GRM4: variants seen among roughly 807,000 people sequenced by gnomAD.
GRM4 encodes glutamate metabotropic receptor 4, also known as metabotropic glutamate receptor 4.
Under a neutral mutation model 81.7 loss-of-function variants are expected in GRM4, and 28 were observed. That is an observed-to-expected ratio of 0.34 (90% CI 0.25 to 0.47). The LOEUF (loss-of-function observed/expected upper bound fraction) is 0.47. Among genes scored for constraint, GRM4 ranks in the 20% least tolerant of loss-of-function variants. The pLI, the probability that GRM4 is intolerant of heterozygous loss-of-function variation, is 1.00. For synonymous variants in GRM4, 488 were observed against 528.8 expected (o/e 0.92, Z 1.06); for missense variants, 948 against 1,290.0 (o/e 0.73, Z 4.06).
intron 3 of GRM4, among the ~76,000 whole-genome samples, chr6:34,072,137 CCA>C (rs1432282770): frequency 4.2e-4 from 64 of 151,438 alleles, no homozygotes; most frequent in African/African-American, 1.5e-3. Flanking sequence ...ACACACATCA[CCA>C]CACAGATACA....
intron 6 of GRM4, among the ~76,000 whole-genome samples, chr6:34,041,637 G>T (rs1295366502): frequency 1.3e-5 from 2 of 152,182 alleles, no homozygotes; most frequent in Non-Finnish European, 2.9e-5. Context: ...ATGAGATAAG[G>T]TACCGAAAAC....
At chr6:34,026,268 G>A (rs948139443) in intron 10 of GRM4, among the ~76,000 whole-genome samples, 9 of 152,080 alleles carry the variant, frequency 5.9e-5, no homozygotes, top group Non-Finnish European at 8.8e-5. Flanking sequence ...CCCTCCATCC[G>A]GCTGTCCCCA....
At chr6:34,108,947 C>T (rs1769252064) in intron 2 of GRM4, among the ~76,000 whole-genome samples, 1 of 152,152 alleles carries the variant, frequency 6.6e-6, no homozygotes, top group Non-Finnish European at 1.5e-5. Flanking sequence ...GGGGACCCAC[C>T]TGTGATAGTG....
At chr6:34,033,309 T>G (rs3778053) in intron 9 of GRM4, among the ~76,000 whole-genome samples, 2,425 of 152,142 alleles carry the variant, frequency 0.016, 23 homozygotes, top group East Asian at 0.023. Flanking sequence ...CATTGGAAGA[T>G]GACCCTTGAG....
intron 9 of GRM4, among the ~76,000 whole-genome samples, 164 bp from the exon 10 acceptor site, chr6:34,028,530 C>A (rs1764253874): frequency 1.3e-5 from 2 of 152,254 alleles, no homozygotes; most frequent in Admixed American, 1.3e-4. Context: ...GCATTCAAAT[C>A]TTGGCTCACT....
intron 1 of GRM4, among the ~76,000 whole-genome samples, chr6:34,137,085 T>C (rs1770489955): frequency 6.6e-6 from 1 of 152,154 alleles, no homozygotes; most frequent in Non-Finnish European, 1.5e-5. Context: ...AATTCCAAAA[T>C]AGCCAGGAGA....
intron 5 of GRM4, among the ~76,000 whole-genome samples, chr6:34,058,416 G>A (rs564242471): frequency 2.4e-4 from 37 of 152,290 alleles, no homozygotes; most frequent in African/African-American, 8.9e-4. Context: ...CTATTGAAGG[G>A]AGGGAGGGCA....
At position 34,053,538 on chromosome 6, in the gene GRM4, G is replaced by A. The variant is rs539677471; in HGVS notation, c.1168+3006C>T. ...TCTGCTGGGGCTCCCAGTGCAGCAG[G>A]AAGGATTCGGGTCAGCTGAGACATA... On this transcript the variant is annotated intron_variant, in intron 6 of 10. Transcript: ENST00000538487. 5.3e-5 allele frequency among the ~76,000 whole-genome samples: 8 copies of A among 152,342 alleles called. No homozygotes were observed. In the South Asian group the frequency reaches 1.7e-3, roughly 32 times the overall value.
At chr6:34,024,138 C>T (rs1018151588) in intron 10 of GRM4, 1 of 152,952 alleles carries the variant, frequency 6.5e-6, no homozygotes, top group Non-Finnish European at 1.5e-5. Flanking sequence ...TCCCCCCGAT[C>T]CTCTCTCCCC....
rs73744823 is a variant in GRM4, at chr6:34,130,008, C to T, written c.519+2970G>A. On this transcript the variant is annotated intron_variant, in intron 2 of 10. Coordinates refer to ENST00000538487, the MANE Select transcript of GRM4 (RefSeq NM_000841.4). This position sits in a 1 kb window ranked among gnomAD's most constrained non-coding sequence, Gnocchi z 4.1. ...TTAACCCATCATTAGGGGAGCAGGG[C>T]GGGGGCTGCAGTGGTGCCCTTTGAA... is the stretch of plus-strand genomic sequence containing the variant. Among the ~76,000 whole-genome samples, 2,993 of 152,218 alleles carry T rather than the reference C, an allele frequency of 0.02. 52 individuals are homozygous for T. The highest frequency in any genetic ancestry group is 0.046 in the African/African-American group (1,891 of 41,528).
chr6:34,032,107 A>C (rs564866779), intron 9 of GRM4, among the ~76,000 whole-genome samples: 4 of 152,220 alleles, frequency 2.6e-5, no homozygotes, highest in East Asian at 1.9e-4. Flanking sequence ...ACATCTGCAC[A>C]CTTGTGTGCA....
At position 34,035,395 on chromosome 6, in the gene GRM4, G is replaced by C. The variant is rs1764636800; in HGVS notation, c.2442+273C>G. Among the ~76,000 whole-genome samples the C allele has an allele frequency of 1.3e-5, 2 of 150,952 alleles. No homozygotes were observed. The highest frequency in any genetic ancestry group is 6.6e-5 in the Admixed American group (1 of 15,182). ...CAAAAGGAGGAGAGAAAAAAGGAGA[G>C]ATGAGACAGAGAGAAAGGGGGAGAG... On this transcript the variant is annotated intron_variant, in intron 9 of 10. Coordinates refer to ENST00000538487, the MANE Select transcript of GRM4 (RefSeq NM_000841.4). The surrounding 1 kb of genome is among the most constrained non-coding windows in gnomAD (Gnocchi z 6.6).
chr6:34,075,833 ACTGTGTCTTTCCCATTTCTAACCACC>A (rs1767283760), intron 3 of GRM4, among the ~76,000 whole-genome samples: 1 of 152,186 alleles, frequency 6.6e-6, no homozygotes, highest in South Asian at 2.1e-4. Flanking sequence ...TCAAGGGCAG[ACTGTGTCTTTCCCATTTCTAACCACC>A]CCGTTTCCAT....
intron 1 of GRM4, among the ~76,000 whole-genome samples, chr6:34,143,192 A>C (rs1290559380): frequency 1.3e-5 from 2 of 152,150 alleles, no homozygotes; most frequent in African/African-American, 4.8e-5. Flanking sequence ...GTGTAAAAGG[A>C]CAGAAGTTGG....
At chr6:34,079,145 T>G (rs922866695) in intron 3 of GRM4, among the ~76,000 whole-genome samples, 6 of 152,306 alleles carry the variant, frequency 3.9e-5, no homozygotes, top group South Asian at 2.1e-4. Context: ...GGCTCATCCA[T>G]GGACACAAGG....
In GRM4 at chr6:34,070,860, C is replaced by T. The variant is rs1259996862; in HGVS notation, c.737-8832G>A. 1.3e-5 allele frequency among the ~76,000 whole-genome samples: 2 copies of T among 149,514 alleles called. No homozygotes were observed. Among genetic ancestry groups the T allele is most frequent in the Non-Finnish European group, 3.0e-5 (2 of 67,706 alleles). On this transcript the variant is annotated intron_variant, in intron 3 of 10. Coordinates refer to ENST00000538487, the MANE Select transcript of GRM4 (RefSeq NM_000841.4). The surrounding 1 kb of genome is among the most constrained non-coding windows in gnomAD (Gnocchi z 4.6). Reference sequence around the variant, plus strand: ...TACAAAATCACATACTACACACCACCACAAGCTCACAAAGTTTCACGGTCA... The same window carrying T: ...TACAAAATCACATACTACACACCACTACAAGCTCACAAAGTTTCACGGTCA...
chr6:34,060,379 TG>T (rs1441439179), intron 4 of GRM4: 2 of 152,210 alleles, frequency 1.3e-5, no homozygotes, highest in East Asian at 3.9e-4. Flanking sequence ...CAGAGTCACC[TG>T]GGTTTATTTT....
At chr6:34,073,356 C>A (rs1327845719) in intron 3 of GRM4, among the ~76,000 whole-genome samples, 3 of 140,390 alleles carry the variant, frequency 2.1e-5, no homozygotes, top group Non-Finnish European at 4.7e-5. Context: ...CAGATTCACA[C>A]CCCCACACAG....
At chr6:34,029,100 G>T (rs977940427) in intron 9 of GRM4, among the ~76,000 whole-genome samples, 2 of 152,154 alleles carry the variant, frequency 1.3e-5, no homozygotes, top group African/African-American at 2.4e-5. Flanking sequence ...CACTGTCCCC[G>T]TCTGGGATTC....
Sources: allele counts gnomAD v4.1 joint callset (sites outside exome capture counted in the v4.1 genomes callset), GRCh38; gene constraint gnomAD v4.1.1; non-coding constraint Gnocchi (gnomAD v3.1); transcripts MANE v1.5; gene names NCBI Gene and HGNC (gene_info 2026-07-23, HGNC 2026-07-21).